NCSTN: variants seen among roughly 807,000 people sequenced by gnomAD.
NCSTN encodes the protein anterior pharynx-defective 2.
Under a neutral mutation model 87.0 loss-of-function variants are expected in NCSTN, and 22 were observed. The ratio of observed to expected loss-of-function variants is 0.25; its 90% CI spans 0.18 to 0.36. NCSTN has a LOEUF of 0.36. NCSTN is among the 10% of genes least tolerant of loss of function. The probability of loss-of-function intolerance (pLI) is 1.00; values close to 1 mark genes in which losing one functional copy is unlikely to be tolerated. For synonymous variants in NCSTN, 306 were observed against 327.1 expected (o/e 0.94, Z 0.69); for missense variants, 693 against 883.3 (o/e 0.78, Z 2.73).
intron 13 of NCSTN, 125 bp from the exon 14 acceptor site, chr1:160,356,135 G>A: frequency 1.9e-6 from 2 of 1,037,006 alleles, no homozygotes; most frequent in Non-Finnish European, 3.0e-6. Flanking sequence ...GCCAGCTACT[G>A]TCTCCCAACT....
intron 2 of NCSTN, among the ~76,000 whole-genome samples, chr1:160,346,751 G>A (rs893773403): frequency 2.2e-4 from 34 of 151,938 alleles, no homozygotes; most frequent in African/African-American, 7.7e-4. Context: ...GATTACAGGC[G>A]CGTGCCACCG....
At chr1:160,349,390 C>T (rs1571202683) in intron 3 of NCSTN, 159 bp from the exon 4 acceptor site, 3 of 1,134,678 alleles carry the variant, frequency 2.6e-6, no homozygotes, top group East Asian at 4.7e-5. Flanking sequence ...CTTTTTAGAG[C>T]AGATCATTGT....
chr1:160,346,197 G>A (rs1648479106), intron 2 of NCSTN, among the ~76,000 whole-genome samples: 1 of 152,166 alleles, frequency 6.6e-6, no homozygotes, highest in African/African-American at 2.4e-5. Flanking sequence ...CAATAGCTCT[G>A]TCAGAATGTA....
At chr1:160,351,577 T>A (rs1007363045) in intron 6 of NCSTN, 119 bp from the exon 7 acceptor site, 112 of 1,256,244 alleles carry the variant, frequency 8.9e-5, no homozygotes, top group Admixed American at 1.8e-4. Context: ...CTCGGACTGT[T>A]GGAAGTAGAG....
At chr1:160,344,418 G>T (rs1043622357) in intron 1 of NCSTN, 1 of 1,446,028 alleles carries the variant, frequency 6.9e-7, no homozygotes. Context: ...TGTGCAACCA[G>T]AATCTGGCAA....
intron 1 of NCSTN, chr1:160,344,487 A>G: frequency 1.3e-6 from 2 of 1,530,624 alleles, no homozygotes; most frequent in Non-Finnish European, 1.8e-6. Flanking sequence ...GTCACTGTCA[A>G]TGGCGCTACA....
In NCSTN at chr1:160,349,028, C is replaced by A. The variant is rs1648681782; in HGVS notation, c.220C>A (p.His74Asn). 2 of 1,614,124 alleles carry A rather than the reference C, an allele frequency of 1.2e-6. No homozygotes were observed. The highest frequency in any genetic ancestry group is 1.7e-6 in the Non-Finnish European group (2 of 1,180,008). The change falls in exon 3 of 17, where the codon CAC (histidine) becomes AAC (asparagine). Residue 74 changes from histidine (H) to asparagine (N), a missense_variant. By Grantham distance (68) the His-to-Asn change is moderately conservative. This residue lies in a region of NCSTN where 235 missense variants were observed against 233.9 expected (regional missense o/e 1.00). Coordinates refer to ENST00000294785, the MANE Select transcript of NCSTN (RefSeq NM_015331.3). ...AATTAGTGGAGACACAGGGGTTATC[C>A]ACGTAGTAGAGAAAGAGGAGGACCT... The part of the protein sequence containing the change: ...SSISGDTGVI[H>N]VVEKEEDLQW...
chr1:160,343,549 C>T, intron 1 of NCSTN, 68 bp downstream of exon 1: 1 of 1,407,996 alleles, frequency 7.1e-7, no homozygotes, highest in South Asian at 1.2e-5. Context: ...GCCGCGACCG[C>T]CACTGTCTCC....
chr1:160,349,698 C>G (rs1648730090), intron 4 of NCSTN, 28 bp downstream of exon 4: 5 of 1,612,428 alleles, frequency 3.1e-6, no homozygotes, highest in Non-Finnish European at 4.2e-6. Flanking sequence ...TCAGGAGAGC[C>G]TACTGTCACC....
intron 1 of NCSTN, 98 bp downstream of exon 1, chr1:160,343,579 C>T (rs1648241296): frequency 9.2e-7 from 1 of 1,090,584 alleles, no homozygotes; most frequent in South Asian, 1.3e-5. Context: ...CCTGCTGCCC[C>T]TCTGTCCCCC....
chr1:160,353,633 C>T, intron 10 of NCSTN: 1 of 1,179,846 alleles, frequency 8.5e-7, no homozygotes, highest in Non-Finnish European at 1.1e-6. Flanking sequence ...TGTTCAAAAC[C>T]TTCCCTTCCC....
chr1:160,343,954 GT>G (rs35301624), intron 1 of NCSTN: 62,257 of 152,052 alleles, frequency 0.41, 10,667 homozygotes, highest in Non-Finnish European at 0.43. Context: ...CTTGCCTCAG[GT>G]TTTTTTTTTT....
At position 160,358,920 on chromosome 1, in the gene NCSTN, A is replaced by G. The variant is rs1382579419; in HGVS notation, c.*649A>G. 2.0e-5 allele frequency: 3 copies of G among 152,894 alleles called. No individual in the cohort carries two copies. Among genetic ancestry groups the G allele is most frequent in the African/African-American group, 7.2e-5 (3 of 41,398 alleles). The allele number at this position is 152,894 out of a possible 1,614,324, so 9.5% of individuals were successfully genotyped here. On this transcript the variant is annotated 3_prime_UTR_variant, in exon 17 of 17. Coordinates refer to ENST00000294785, the MANE Select transcript of NCSTN (RefSeq NM_015331.3). ...TATTCTTTTTGTAAATATATATATA[A>G]TGAGTTTCATTAAAATAGATTATCC...
chr1:160,348,679 G>C (rs1379993427), intron 2 of NCSTN, among the ~76,000 whole-genome samples: 8 of 152,226 alleles, frequency 5.3e-5, no homozygotes, highest in Non-Finnish European at 1.2e-4. Flanking sequence ...GAAAATATAG[G>C]TTTGAAAACT....
Position 160,349,152 on chromosome 1 carries a change from C to T in NCSTN, c.314+30C>T, listed in dbSNP as rs200678754. 2,383 of 1,613,098 alleles carry T rather than the reference C, an allele frequency of 1.5e-3. 3 individuals are homozygous for T. Among genetic ancestry groups the T allele is most frequent in the Non-Finnish European group, 1.4e-3 (1,603 of 1,179,244 alleles). On this transcript the variant is annotated intron_variant, in intron 3 of 16. Transcript: ENST00000294785. ...GAACTAGATGTATCTGCTGGGAAAACATCCATAGAGGGAAAGTTTCAGTGA... is the reference window on the plus strand; with the variant it reads ...GAACTAGATGTATCTGCTGGGAAAATATCCATAGAGGGAAAGTTTCAGTGA...
At chr1:160,353,592 G>A in intron 10 of NCSTN, 1 of 1,213,684 alleles carries the variant, frequency 8.2e-7, no homozygotes, top group South Asian at 1.7e-5. Flanking sequence ...CACACTCGCT[G>A]CCCAACTTGT....
intron 1 of NCSTN, 173 bp from the exon 2 acceptor site, chr1:160,344,549 T>C (rs747955765): frequency 2.5e-5 from 38 of 1,550,416 alleles, no homozygotes; most frequent in African/African-American, 1.4e-4. Context: ...ATGTAGAACA[T>C]GTATCTGTTA....
intron 5 of NCSTN, 151 bp downstream of exon 5, chr1:160,350,401 G>A (rs1648770260): frequency 5.2e-6 from 4 of 765,354 alleles, no homozygotes; most frequent in Non-Finnish European, 6.5e-6. Flanking sequence ...TCAGTGAGCT[G>A]AGATGGCACC....
chr1:160,344,641 C>T (rs771810745), intron 1 of NCSTN, 81 bp from the exon 2 acceptor site: 3 of 1,584,704 alleles, frequency 1.9e-6, no homozygotes, highest in East Asian at 2.3e-5. Flanking sequence ...TTTACCCAAG[C>T]CATACTTCAG....
Sources: gnomAD v4.1 joint callset for allele counts (sites outside exome capture counted in the v4.1 genomes callset) on GRCh38, gnomAD v4.1.1 for gene constraint, gnomAD v4.1.1 regional missense constraint, MANE v1.5 for transcripts, NCBI Gene and HGNC (gene_info 2026-07-23, HGNC 2026-07-21) for gene names.